The following SMCO4 variants were observed in gnomAD, a reference collection of about 807,000 sequenced individuals.
SMCO4 encodes the protein single-pass membrane protein with coiled-coil domains 4.
A neutral mutation model predicts 3.6 loss-of-function variants in SMCO4; 4 were observed. The ratio of observed to expected loss-of-function variants is 1.11; its 90% CI spans 0.54 to 2.53. The LOEUF (loss-of-function observed/expected upper bound fraction) is 2.53, where lower values mean the gene tolerates loss of function less well. SMCO4 is among the 30% of genes most tolerant of loss of function. The probability of loss-of-function intolerance (pLI) is 0.02; values close to 1 mark genes in which losing one functional copy is unlikely to be tolerated. For synonymous variants in SMCO4, 36 were observed against 35.3 expected, an observed-to-expected ratio of 1.02 and a Z score of -0.07; for missense variants, 70 against 80.8, an observed-to-expected ratio of 0.87 and a Z score of 0.51.
intron 1 of SMCO4, among the ~76,000 whole-genome samples, chr11:93,517,840 A>G (rs1365351593): frequency 1.3e-5 from 2 of 152,076 alleles, no homozygotes; most frequent in African/African-American, 4.8e-5. Flanking sequence ...TCCTTCTCCT[A>G]CCCGCATTGA....
chr11:93,511,858 T>C (rs1026878813), intron 1 of SMCO4, among the ~76,000 whole-genome samples: 1 of 152,216 alleles, frequency 6.6e-6, no homozygotes, highest in Non-Finnish European at 1.5e-5. Flanking sequence ...TTCGTAATTG[T>C]TTTTAAACTG....
chr11:93,482,606 A>G (rs1241276846), intron 2 of SMCO4, among the ~76,000 whole-genome samples: 1 of 152,226 alleles, frequency 6.6e-6, no homozygotes. Flanking sequence ...GTGAGGCAAA[A>G]GAGAACGTGC....
chr11:93,488,053 T>C (rs534112678), intron 2 of SMCO4, among the ~76,000 whole-genome samples: 36 of 152,298 alleles, frequency 2.4e-4, no homozygotes, highest in African/African-American at 8.2e-4. Context: ...AACAAATGGA[T>C]AGAGCATGTG....
At chr11:93,481,056 C>A (rs1396807126) in intron 2 of SMCO4, among the ~76,000 whole-genome samples, 1 of 150,050 alleles carries the variant, frequency 6.7e-6, no homozygotes, top group Non-Finnish European at 1.5e-5. Flanking sequence ...AAAAAAAACA[C>A]CTACTATTAC....
intron 1 of SMCO4, among the ~76,000 whole-genome samples, chr11:93,504,846 G>GC (rs1191091257): frequency 6.6e-6 from 1 of 152,174 alleles, no homozygotes; most frequent in Non-Finnish European, 1.5e-5. Context: ...CCAAAATGGG[G>GC]CCAGGTCAGA....
chr11:93,486,616 C>G (rs1317571234), intron 2 of SMCO4, among the ~76,000 whole-genome samples: 1 of 152,136 alleles, frequency 6.6e-6, no homozygotes, highest in Non-Finnish European at 1.5e-5. Context: ...TGAAGGCCCC[C>G]AGGAAAAGTG....
At chr11:93,484,894 A>T (rs936943030) in intron 2 of SMCO4, among the ~76,000 whole-genome samples, 1 of 152,088 alleles carries the variant, frequency 6.6e-6, no homozygotes, top group Non-Finnish European at 1.5e-5. Flanking sequence ...CTGTGCAGCC[A>T]ATGCAGCAGC....
rs74717847 is a variant in SMCO4, at chr11:93,526,883, A to G, written c.-154+16393T>C. Among the ~76,000 whole-genome samples, 1,389 of 152,324 alleles carry G rather than the reference A, an allele frequency of 9.1e-3. 8 individuals are homozygous for G. Among genetic ancestry groups the G allele is most frequent in the South Asian group, 0.014 (70 of 4,828 alleles). On this transcript the variant is annotated intron_variant, in intron 1 of 2. Coordinates refer to ENST00000298966, the MANE Select transcript of SMCO4 (RefSeq NM_020179.3). ...AAGTACAGACTAATTCCCAAGTTCA[A>G]TGTGTGTTCTCCAAAATAACCCAGA...
At chr11:93,531,246 T>C (rs1949158692) in intron 1 of SMCO4, among the ~76,000 whole-genome samples, 1 of 152,208 alleles carries the variant, frequency 6.6e-6, no homozygotes, top group Admixed American at 6.5e-5. Context: ...GTATGTAAGC[T>C]TGAGCTGGGA....
chr11:93,546,829 A>G (rs908793607), upstream of SMCO4, among the ~76,000 whole-genome samples: 3 of 152,182 alleles, frequency 2.0e-5, no homozygotes, highest in South Asian at 6.2e-4. Context: ...TTGCCCCTAC[A>G]GAGATATTGG....
chr11:93,483,660 G>A (rs979218622), intron 2 of SMCO4, among the ~76,000 whole-genome samples: 4 of 152,118 alleles, frequency 2.6e-5, no homozygotes, highest in African/African-American at 4.8e-5. Context: ...TGTGATGAAC[G>A]CCTCTTTCAA....
intron 1 of SMCO4, among the ~76,000 whole-genome samples, chr11:93,542,855 G>A (rs1478112232): frequency 1.4e-4 from 21 of 152,110 alleles, no homozygotes; most frequent in Admixed American, 1.3e-3. Flanking sequence ...AAGGACCCGC[G>A]TTTCCCACCT....
At chr11:93,542,805 T>C (rs942211151) in intron 1 of SMCO4, among the ~76,000 whole-genome samples, 13 of 149,186 alleles carry the variant, frequency 8.7e-5, no homozygotes, top group African/African-American at 2.5e-4. Flanking sequence ...TCTTGTCCAC[T>C]CCCAGAGACC....
chr11:93,535,749 G>A, intron 1 of SMCO4: 4 of 1,613,110 alleles, frequency 2.5e-6, no homozygotes, highest in Non-Finnish European at 3.4e-6. Flanking sequence ...TGGATGGGCT[G>A]AAGAAGAGAG....
chr11:93,515,028 T>C (rs1948996450), intron 1 of SMCO4, among the ~76,000 whole-genome samples: 1 of 152,164 alleles, frequency 6.6e-6, no homozygotes, highest in Non-Finnish European at 1.5e-5. Context: ...TTGGCACCAT[T>C]ATCCCTGGCA....
At chr11:93,512,221 A>G (rs1434315133) in intron 1 of SMCO4, among the ~76,000 whole-genome samples, 2 of 152,208 alleles carry the variant, frequency 1.3e-5, no homozygotes, top group African/African-American at 4.8e-5. Flanking sequence ...GTCACGCACC[A>G]CATAATGATG....
chr11:93,495,388 T>C (rs1262877562), intron 2 of SMCO4, among the ~76,000 whole-genome samples: 1 of 152,100 alleles, frequency 6.6e-6, no homozygotes, highest in Non-Finnish European at 1.5e-5. Context: ...GAGAGTATCA[T>C]GCCTAAGATG....
At chr11:93,501,719 G>A (rs76476589) in intron 1 of SMCO4, among the ~76,000 whole-genome samples, 2,454 of 152,172 alleles carry the variant, frequency 0.016, 71 homozygotes, top group African/African-American at 0.056. Context: ...TAGGTTCCAG[G>A]GATGTTCTAA....
chr11:93,538,889 A>C (rs1949250171), intron 1 of SMCO4, among the ~76,000 whole-genome samples: 1 of 152,138 alleles, frequency 6.6e-6, no homozygotes, highest in Non-Finnish European at 1.5e-5. Context: ...TTCACTTCAA[A>C]ACTCCAGACA....
Sources: gnomAD v4.1 joint callset for allele counts (sites outside exome capture counted in the v4.1 genomes callset) on GRCh38, gnomAD v4.1.1 for gene constraint, MANE v1.5 for transcripts, NCBI Gene and HGNC (gene_info 2026-07-23, HGNC 2026-07-21) for gene names.